DLG2: variants seen among roughly 807,000 people sequenced by gnomAD.
The protein encoded by DLG2 is disks large homolog 2.
DLG2 carries 45 observed loss-of-function variants against 132.5 expected under a neutral mutation model. The ratio of observed to expected loss-of-function variants is 0.34; its 90% CI spans 0.27 to 0.44. The LOEUF is 0.44. Among genes scored for constraint, DLG2 ranks in the 20% least tolerant of loss-of-function variants. The probability of loss-of-function intolerance (pLI) is 1.00; values close to 1 mark genes in which losing one functional copy is unlikely to be tolerated. For missense variants in DLG2, 1,045 were observed against 1,196.9 expected (o/e 0.87, Z 1.87); for synonymous variants, 424 against 419.6 (o/e 1.01, Z -0.13).
chr11:84,944,301 C>A (rs1260696346), intron 6 of DLG2, among the ~76,000 whole-genome samples: 1 of 152,086 alleles, frequency 6.6e-6, no homozygotes, highest in Non-Finnish European at 1.5e-5. Flanking sequence ...CTGTTATTAT[C>A]CCTTCAAATA....
At chr11:84,200,571 TCCATGAG>T (rs2154298526) in intron 8 of DLG2, among the ~76,000 whole-genome samples, 1 of 152,290 alleles carries the variant, frequency 6.6e-6, no homozygotes, top group Admixed American at 6.5e-5. Context: ...ATTCTTCCTA[TCCATGAG>T]CATGGAATGT....
chr11:84,016,021 T>C (rs1593134506), intron 11 of DLG2, among the ~76,000 whole-genome samples: 1 of 152,290 alleles, frequency 6.6e-6, no homozygotes, highest in Non-Finnish European at 1.5e-5. Context: ...CATTCCTTTT[T>C]CTCCACAGCC....
intron 7 of DLG2, among the ~76,000 whole-genome samples, chr11:84,512,255 A>C (rs1159425911): frequency 6.6e-6 from 1 of 152,158 alleles, no homozygotes; most frequent in Admixed American, 6.6e-5. Flanking sequence ...AGCTTTCTTC[A>C]GCTTTTCTGC....
chr11:84,454,469 G>A (rs1212204149), intron 7 of DLG2, among the ~76,000 whole-genome samples: 1 of 151,384 alleles, frequency 6.6e-6, no homozygotes, highest in Non-Finnish European at 1.5e-5. Flanking sequence ...CCTAAAATAT[G>A]AGCCAGCAAG....
At chr11:83,977,660 C>T (rs983203243) in intron 12 of DLG2, among the ~76,000 whole-genome samples, 11 of 152,050 alleles carry the variant, frequency 7.2e-5, no homozygotes, top group Non-Finnish European at 1.0e-4. Context: ...TTAATACTCC[C>T]GAAGTGGCAC....
chr11:83,954,471 C>T (rs962915329), intron 14 of DLG2, among the ~76,000 whole-genome samples: 1 of 152,154 alleles, frequency 6.6e-6, no homozygotes, highest in Non-Finnish European at 1.5e-5. Flanking sequence ...CTCACTCCCC[C>T]CTTTCATTTC....
chr11:83,480,351 C>T (rs1319486505), intron 22 of DLG2: 34 of 1,533,550 alleles, frequency 2.2e-5, no homozygotes, highest in Non-Finnish European at 3.0e-5. Context: ...AAAATAACCG[C>T]AAACCAAAGC....
chr11:83,812,058 T>G (rs1278586271), intron 17 of DLG2, among the ~76,000 whole-genome samples: 4 of 152,136 alleles, frequency 2.6e-5, no homozygotes, highest in Non-Finnish European at 5.9e-5. Context: ...GAACTTGTCA[T>G]CAACACCCTT....
intron 18 of DLG2, among the ~76,000 whole-genome samples, chr11:83,722,251 T>C (rs2088788054): frequency 6.6e-6 from 1 of 152,218 alleles, no homozygotes; most frequent in South Asian, 2.1e-4. Flanking sequence ...TTCATTCTTA[T>C]GGTCTCCCAC....
At chr11:85,191,162 G>GCGCACACACACACA (rs34410192) in intron 4 of DLG2, among the ~76,000 whole-genome samples, 64 of 139,918 alleles carry the variant, frequency 4.6e-4, no homozygotes, top group Admixed American at 1.3e-3. Context: ...GCGCACGCGC[G>GCGCACACACACACA]CACACACACA....
chr11:84,784,142 G>GA (rs2072359761), intron 6 of DLG2, among the ~76,000 whole-genome samples: 1 of 5,294 alleles, frequency 1.9e-4, no homozygotes, highest in Non-Finnish European at 3.5e-4. Context: ...TACTAAAAAT[G>GA]CAAAAAAAAA....
At chr11:83,881,815 T>A (rs573042084) in intron 15 of DLG2, among the ~76,000 whole-genome samples, 1 of 152,352 alleles carries the variant, frequency 6.6e-6, no homozygotes, top group East Asian at 1.9e-4. Flanking sequence ...TTATTGCATT[T>A]GTTTTTATAA....
rs550726157 is a variant in DLG2, at chr11:83,743,142, A to G, written c.1825+43548T>C. ...ATAGGTAGGCCCTACATTTAGCTCT[A>G]CAATTCATGTTTTAAAAGGAAGCTT... On this transcript the variant is annotated intron_variant, in intron 18 of 27. Transcript: ENST00000376104. Among the ~76,000 whole-genome samples, 30 of 152,318 alleles carry G rather than the reference A, an allele frequency of 2.0e-4. No individual in the cohort carries two copies. The East Asian group carries it at 4.8e-3, about 25-fold the overall frequency.
intron 7 of DLG2, among the ~76,000 whole-genome samples, chr11:84,293,612 T>G (rs903358586): frequency 6.6e-6 from 1 of 152,128 alleles, no homozygotes; most frequent in Admixed American, 6.5e-5. Context: ...ATGCGGAGGT[T>G]GCAGTGAGCC....
chr11:85,577,830 C>A (rs914168449), intron 3 of DLG2, among the ~76,000 whole-genome samples: 1 of 152,082 alleles, frequency 6.6e-6, no homozygotes, highest in Non-Finnish European at 1.5e-5. Context: ...GCAACTTATA[C>A]ATTCAATGGT....
intron 6 of DLG2, among the ~76,000 whole-genome samples, chr11:84,913,696 A>G (rs1333765889): frequency 6.6e-6 from 1 of 152,218 alleles, no homozygotes; most frequent in African/African-American, 2.4e-5. Flanking sequence ...CTATATATGA[A>G]TAGCAAGGAT....
At chr11:84,122,747 T>A (rs1317994785) in intron 9 of DLG2, among the ~76,000 whole-genome samples, 1 of 152,194 alleles carries the variant, frequency 6.6e-6, no homozygotes, top group East Asian at 1.9e-4. Flanking sequence ...ACATTCAATT[T>A]GAGGTAGCAA....
chr11:83,970,414 G>C (rs35268360), intron 12 of DLG2, among the ~76,000 whole-genome samples: 6,464 of 152,240 alleles, frequency 0.042, 199 homozygotes, highest in Non-Finnish European at 0.067. Flanking sequence ...ATACTGGGGA[G>C]AATAATAATA....
At chr11:83,483,978 C>G in intron 22 of DLG2, 151 bp downstream of exon 22, 1 of 637,806 alleles carries the variant, frequency 1.6e-6, no homozygotes, top group African/African-American at 1.9e-5. Flanking sequence ...AGACTGTAGT[C>G]AGACGCTGGT....
Sources: gnomAD v4.1 joint callset for allele counts (sites outside exome capture counted in the v4.1 genomes callset) on GRCh38, gnomAD v4.1.1 for gene constraint, MANE v1.5 for transcripts, NCBI Gene and HGNC (gene_info 2026-07-23, HGNC 2026-07-21) for gene names.